EPS15L1: variants seen among roughly 807,000 people sequenced by gnomAD.
The protein encoded by EPS15L1 is epidermal growth factor receptor substrate 15-like 1.
In EPS15L1, 43 loss-of-function variants were observed where a neutral mutation model predicts 117.1. The observed-to-expected ratio is 0.37, with a 90% CI of 0.29 to 0.47. The LOEUF (loss-of-function observed/expected upper bound fraction) is 0.47. Ranked by LOEUF, EPS15L1 falls within the 20% of genes least tolerant of loss-of-function variation. The pLI is 0.99. For missense variants in EPS15L1, 981 were observed against 1,164.0 expected (o/e 0.84, Z 2.29); for synonymous variants, 459 against 470.5 (o/e 0.98, Z 0.32).
chr19:16,377,402 T>C (rs1864569676), intron 21 of EPS15L1, 148 bp from the exon 22 acceptor site: 1 of 854,428 alleles, frequency 1.2e-6, no homozygotes, highest in Non-Finnish European at 1.8e-6. Context: ...GGACGTGGGG[T>C]CTCTTTCAAG....
intron 10 of EPS15L1, 86 bp from the exon 11 acceptor site, chr19:16,418,190 A>G: frequency 6.8e-7 from 1 of 1,460,088 alleles, no homozygotes; most frequent in South Asian, 1.3e-5. Flanking sequence ...CTTTTCAAAA[A>G]CGACAGCGAC....
At position 16,385,156 on chromosome 19, in the gene EPS15L1, G is replaced by A; in HGVS notation, c.2220C>T (p.Gly740=). ...FGSGSFNSAE[G]FADFSQMSKP... The stretch of plus-strand genomic sequence containing the variant: ...TGGACATCTGGCTGAAGTCGGCAAA[G>A]CCTTCAGCACTATTGAAGGACCCAC... Residue 740 remains glycine (G), a synonymous_variant, in exon 21 of 24, where the codon GGC becomes GGT. Transcript: ENST00000455140. 6.2e-7 allele frequency: 1 copy of A among 1,614,160 alleles called. No individual in the cohort carries two copies. The highest frequency in any genetic ancestry group is 1.1e-5 in the South Asian group (1 of 91,084).
chr19:16,415,673 A>T (rs1250747610), intron 12 of EPS15L1, among the ~76,000 whole-genome samples: 5 of 152,224 alleles, frequency 3.3e-5, no homozygotes, highest in Non-Finnish European at 7.3e-5. Flanking sequence ...TCAAGGGGCC[A>T]CTGCAGGCCC....
rs1442958287 is a variant in EPS15L1 at position 16,381,094 on chromosome 19, T to C, written c.2248-3840A>G. Among the ~76,000 whole-genome samples, 1 of 152,206 alleles carries C rather than the reference T, an allele frequency of 6.6e-6. No individual in the cohort carries two copies. The highest frequency in any genetic ancestry group is 1.5e-5 in the Non-Finnish European group (1 of 68,018). ...GGGGCCCCAAAGGCTCCTGCACAGA[T>C]GACCCCACCAGATCCCTTCCCTGGG... is the stretch of plus-strand genomic sequence containing the variant. On this transcript the variant is annotated intron_variant, in intron 21 of 23. Transcript: ENST00000455140. The surrounding 1 kb of genome is among the most constrained non-coding windows in gnomAD (Gnocchi z 4.2).
intron 1 of EPS15L1, among the ~76,000 whole-genome samples, chr19:16,468,471 A>G (rs1466120910): frequency 6.6e-6 from 1 of 151,910 alleles, no homozygotes; most frequent in Admixed American, 6.6e-5. Context: ...TCAGCCTCCC[A>G]AGTTGCTGGG....
Position 16,405,393 on chromosome 19 carries a change from G to T in EPS15L1, c.1267-644C>A, listed in dbSNP as rs2092646291. On this transcript the variant is annotated intron_variant, in intron 13 of 23. Transcript: ENST00000455140. This position sits in a 1 kb window ranked among gnomAD's most constrained non-coding sequence, Gnocchi z 4.0. ...GAGCCCGGTGGGATGTGTGAGTGTG[G>T]GAGGCGGGACATCATGATTCTGTTT... Among the ~76,000 whole-genome samples, 1 of 152,170 alleles carries T rather than the reference G, an allele frequency of 6.6e-6. No homozygotes were observed. Among genetic ancestry groups the T allele is most frequent in the Non-Finnish European group, 1.5e-5 (1 of 68,030 alleles).
At chr19:16,462,498 T>C (rs1341999749) in intron 1 of EPS15L1, among the ~76,000 whole-genome samples, 1 of 152,026 alleles carries the variant, frequency 6.6e-6, no homozygotes, top group Non-Finnish European at 1.5e-5. Flanking sequence ...CTGTCTCTAC[T>C]AAAAATACAA....
intron 1 of EPS15L1, among the ~76,000 whole-genome samples, chr19:16,465,513 T>C (rs2093296394): frequency 6.6e-6 from 1 of 151,954 alleles, no homozygotes; most frequent in Non-Finnish European, 1.5e-5. Context: ...CAAGATCCTG[T>C]CTCTACAAAA....
Position 16,381,239 on chromosome 19 carries a change from A to C in EPS15L1, c.2247+3890T>G, listed in dbSNP as rs901999918. ...CCCACTGTCAGCACCTCTGCCTTAC[A>C]CACAAGGAAACTGAGGCACACAAAG... On this transcript the variant is annotated intron_variant, in intron 21 of 23. Coordinates refer to ENST00000455140, the MANE Select transcript of EPS15L1 (RefSeq NM_001258374.3). This position sits in a 1 kb window ranked among gnomAD's most constrained non-coding sequence, Gnocchi z 4.2. Among the ~76,000 whole-genome samples the C allele has an allele frequency of 7.2e-5, 11 of 152,246 alleles. No individual in the cohort carries two copies. Among genetic ancestry groups the C allele is most frequent in the Non-Finnish European group, 1.0e-4 (7 of 68,038 alleles).
At chr19:16,382,591 G>A (rs1475808819) in intron 21 of EPS15L1, among the ~76,000 whole-genome samples, 1 of 151,462 alleles carries the variant, frequency 6.6e-6, no homozygotes. Context: ...CTAAAAATGG[G>A]CTGACGACTA....
At chr19:16,452,923 A>G (rs559915971) in intron 1 of EPS15L1, among the ~76,000 whole-genome samples, 1 of 151,982 alleles carries the variant, frequency 6.6e-6, no homozygotes, top group Admixed American at 6.6e-5. Flanking sequence ...CAGCCTCCCG[A>G]ATAGCTAGGA....
At chr19:16,436,731 A>G in intron 6 of EPS15L1, 1 of 494,208 alleles carries the variant, frequency 2.0e-6, no homozygotes, top group Non-Finnish European at 3.6e-6. Context: ...GAAGGGCCAC[A>G]GCCTTTGTAA....
chr19:16,368,163 C>G lies in EPS15L1; in HGVS notation c.2381-6179G>C, dbSNP rs781313484. On this transcript the variant is annotated intron_variant, in intron 22 of 23. Transcript: ENST00000455140. ...GGAAGCTGCCCACCTTCGCTATTAT[C>G]CTATACAACACAGAACGATCACACA... Among the ~76,000 whole-genome samples, 7 of 152,160 alleles carry G rather than the reference C, an allele frequency of 4.6e-5. No individual in the cohort carries two copies. The East Asian group carries it at 1.3e-3, about 29-fold the overall frequency.
At chr19:16,366,097 A>G (rs530959171) in intron 22 of EPS15L1, among the ~76,000 whole-genome samples, 3 of 152,206 alleles carry the variant, frequency 2.0e-5, no homozygotes, top group Non-Finnish European at 4.4e-5. Flanking sequence ...GCAAGATTCT[A>G]GCAGAGGAAA....
At chr19:16,389,474 G>A (rs1192095314) in intron 19 of EPS15L1, among the ~76,000 whole-genome samples, 1 of 152,040 alleles carries the variant, frequency 6.6e-6, no homozygotes, top group Non-Finnish European at 1.5e-5. Context: ...ATAAAAAAAT[G>A]ACAACACAGT....
chr19:16,355,582 A>C lies in EPS15L1; in HGVS notation c.*123T>G. ...GCAGCCGAGTCTGCTCACCCTGAAC[A>C]AGCCCCCGAGTCCCGGTCCTTGGAG... On this transcript the variant is annotated 3_prime_UTR_variant, in exon 24 of 24. Transcript: ENST00000455140. 7.8e-7 allele frequency: 1 copy of C among 1,277,466 alleles called. No homozygotes were observed. Among genetic ancestry groups the C allele is most frequent in the East Asian group, 2.6e-5 (1 of 38,936 alleles). The allele number at this position is 1,277,466 out of a possible 1,614,324, so 79.1% of individuals were successfully genotyped here. A position where few individuals can be genotyped will look rare whatever the true frequency, so the allele number is the denominator to read the frequency against.
chr19:16,469,791 TA>T (rs1332586128), intron 1 of EPS15L1, among the ~76,000 whole-genome samples: 1 of 152,012 alleles, frequency 6.6e-6, no homozygotes, highest in African/African-American at 2.4e-5. Flanking sequence ...CTCTGTCACC[TA>T]AATCCAACCA....
intron 22 of EPS15L1, among the ~76,000 whole-genome samples, chr19:16,367,497 T>TA (rs71178691): frequency 0.63 from 41,135 of 65,232 alleles, 14,431 homozygotes; most frequent in Non-Finnish European, 0.7. Context: ...TATGTGCTGT[T>TA]AAAAAAAAAA....
At chr19:16,432,062 G>A (rs905422714) in intron 7 of EPS15L1, among the ~76,000 whole-genome samples, 5 of 152,128 alleles carry the variant, frequency 3.3e-5, no homozygotes, top group African/African-American at 1.2e-4. Context: ...TATGATAGGG[G>A]CCCTGGAACC....
Sources: gnomAD v4.1 joint callset for allele counts (sites outside exome capture counted in the v4.1 genomes callset) on GRCh38, gnomAD v4.1.1 for gene constraint, Gnocchi (gnomAD v3.1) non-coding constraint, MANE v1.5 for transcripts, NCBI Gene and HGNC (gene_info 2026-07-23, HGNC 2026-07-21) for gene names.